Variants in PLCE1 observed in about 807,000 individuals in gnomAD.
PLCE1 encodes phospholipase C epsilon 1.
Under a neutral mutation model 242.8 loss-of-function variants are expected in PLCE1, and 119 were observed. That is an observed-to-expected ratio of 0.49 (90% CI 0.42 to 0.57). PLCE1 has a LOEUF of 0.57. Among genes scored for constraint, PLCE1 ranks in the 20% least tolerant of loss-of-function variants. The probability of loss-of-function intolerance (pLI) is 0.00; values close to 1 mark genes in which losing one functional copy is unlikely to be tolerated. For synonymous variants in PLCE1, 945 were observed against 1,017.4 expected, an observed-to-expected ratio of 0.93 and a Z score of 1.35; for missense variants, 2,441 against 2,788.8, an observed-to-expected ratio of 0.88 and a Z score of 2.81.
rs954154818 is a variant in PLCE1, at chr10:94,254,209, C to T, written c.3299C>T (p.Thr1100Ile). The T allele has an allele frequency of 1.9e-6, 3 of 1,613,502 alleles. No individual in the cohort carries two copies. Among genetic ancestry groups the T allele is most frequent in the Admixed American group, 1.7e-5 (1 of 59,972 alleles). Residue 1100 changes from threonine to isoleucine, a missense_variant, in exon 10 of 33, where the codon ACT (threonine) becomes ATT (isoleucine). This residue lies in a region of PLCE1 where 1,004 missense variants were observed against 1,322.7 expected (regional missense o/e 0.76). Coordinates refer to ENST00000371380, the MANE Select transcript of PLCE1 (RefSeq NM_016341.4). ...ILMRGESGEV[T>I]DDEMATRKAK... Reference sequence around the variant, plus strand: ...TCCCAGGGTGAGAGTGGAGAGGTAACTGACGATGAGATGGCAACCCGAAAG... The same window carrying T: ...TCCCAGGGTGAGAGTGGAGAGGTAATTGACGATGAGATGGCAACCCGAAAG...
chr10:94,036,070 C>T (rs1378294132), intron 2 of PLCE1, among the ~76,000 whole-genome samples: 2 of 152,178 alleles, frequency 1.3e-5, no homozygotes, highest in African/African-American at 4.8e-5. Flanking sequence ...AATTGTGACC[C>T]TCACTCCATC....
intron 8 of PLCE1, among the ~76,000 whole-genome samples, chr10:94,250,131 CAAAAA>C (rs34113881): frequency 1.0e-5 from 1 of 95,678 alleles, no homozygotes. Flanking sequence ...GACTCTGTCT[CAAAAA>C]AAAAAAAAAA....
intron 1 of PLCE1, among the ~76,000 whole-genome samples, chr10:94,017,783 G>A (rs1158953359): frequency 6.6e-6 from 1 of 152,198 alleles, no homozygotes; most frequent in East Asian, 1.9e-4. Context: ...TCTGGAAAAT[G>A]TTTTGCTTAG....
intron 28 of PLCE1, 126 bp from the exon 29 acceptor site, chr10:94,316,421 A>G: frequency 1.5e-6 from 1 of 680,662 alleles, no homozygotes; most frequent in Non-Finnish European, 2.6e-6. Context: ...TTCCAAAAAG[A>G]ATTATGCAAT....
At chr10:94,129,751 G>GAAAACA (rs2046538984) in intron 2 of PLCE1, among the ~76,000 whole-genome samples, 1 of 144,336 alleles carries the variant, frequency 6.9e-6, no homozygotes, top group East Asian at 1.9e-4. Flanking sequence ...ACAAACCAGC[G>GAAAACA]AAAACAAAAA....
In PLCE1 at chr10:94,308,725, A is replaced by G. The variant is rs750244993; in HGVS notation, c.6003+26A>G. On this transcript the variant is annotated intron_variant, in intron 27 of 32. Coordinates refer to ENST00000371380, the MANE Select transcript of PLCE1 (RefSeq NM_016341.4). ...GTAATGAAGTTCTGTTTCACTCAAC[A>G]TATTTATGGGGATTGCTACACTGAA... 9.9e-6 allele frequency: 14 copies of G among 1,409,554 alleles called. No individual in the cohort carries two copies. The South Asian group carries it at 1.6e-4, about 16-fold the overall frequency. 87.3% of individuals were successfully genotyped at this position (1,409,554 alleles called of 1,614,324 possible).
In PLCE1 at chr10:94,283,824, A is replaced by G; in HGVS notation, c.4830A>G (p.Ser1610=). 1 of 1,612,300 alleles carries G rather than the reference A, an allele frequency of 6.2e-7. No homozygotes were observed. Among genetic ancestry groups the G allele is most frequent in the Non-Finnish European group, 8.5e-7 (1 of 1,178,682 alleles). The change falls in exon 21 of 33, where the codon TCA becomes TCG. Residue 1610 remains serine (S), a synonymous_variant. Coordinates refer to ENST00000371380, the MANE Select transcript of PLCE1 (RefSeq NM_016341.4). The part of the protein sequence containing the change: ...NILEDRPENK[S]CNDKLQFEYN... ...TGGAAGACAGACCTGAAAATAAATCATGTAATGACAAGCTTCAGTTTGAAT... is the reference window on the plus strand; with the variant it reads ...TGGAAGACAGACCTGAAAATAAATCGTGTAATGACAAGCTTCAGTTTGAAT...
chr10:94,266,041 A>C (rs1256489013), intron 16 of PLCE1, 83 bp downstream of exon 16: 3 of 1,327,858 alleles, frequency 2.3e-6, no homozygotes, highest in Non-Finnish European at 3.2e-6. Context: ...ACCTGACCCC[A>C]GACTCCTTTG....
intron 2 of PLCE1, among the ~76,000 whole-genome samples, chr10:94,110,126 G>C (rs1198643558): frequency 7.3e-6 from 1 of 137,096 alleles, no homozygotes; most frequent in Non-Finnish European, 1.5e-5. Context: ...GCAGTGGTGC[G>C]ATCTCTGCTC....
At chr10:94,281,736 C>G (rs2052233173) in intron 20 of PLCE1, among the ~76,000 whole-genome samples, 1 of 152,162 alleles carries the variant, frequency 6.6e-6, no homozygotes, top group African/African-American at 2.4e-5. Flanking sequence ...CTTAAGCCCA[C>G]TACCACTACA....
intron 11 of PLCE1, among the ~76,000 whole-genome samples, chr10:94,255,924 T>A (rs1421514570): frequency 0.063 from 5,321 of 84,052 alleles, 72 homozygotes; most frequent in East Asian, 0.12. Context: ...ACTCTCTCTC[T>A]CTCTCTCTCT....
At chr10:94,285,569 A>G (rs936507434) in intron 22 of PLCE1, among the ~76,000 whole-genome samples, 1 of 152,078 alleles carries the variant, frequency 6.6e-6, no homozygotes, top group African/African-American at 2.4e-5. Context: ...TCTCCCCTTT[A>G]TTCCCTTCTG....
chr10:94,119,609 T>A (rs1393804597), intron 2 of PLCE1, among the ~76,000 whole-genome samples: 1 of 152,178 alleles, frequency 6.6e-6, no homozygotes, highest in Non-Finnish European at 1.5e-5. Flanking sequence ...TCTTACTGTC[T>A]TTAGGTTGTG....
At chr10:94,212,320 C>T (rs977031467) in intron 4 of PLCE1, among the ~76,000 whole-genome samples, 1 of 152,028 alleles carries the variant, frequency 6.6e-6, no homozygotes, top group African/African-American at 2.4e-5. Context: ...GCAGTGGTGC[C>T]ATCTCAGCTC....
intron 3 of PLCE1, among the ~76,000 whole-genome samples, chr10:94,165,390 G>A (rs1352929003): frequency 2.0e-5 from 3 of 152,210 alleles, no homozygotes; most frequent in Non-Finnish European, 4.4e-5. Context: ...TGCTGTGCTA[G>A]CAATGAGCGA....
intron 2 of PLCE1, among the ~76,000 whole-genome samples, chr10:94,063,781 C>T (rs192360543): frequency 6.6e-5 from 10 of 152,164 alleles, no homozygotes; most frequent in Non-Finnish European, 1.2e-4. Flanking sequence ...AACCTACGGG[C>T]GATGAGGGTA....
chr10:94,192,457 T>C (rs1180719930), intron 4 of PLCE1, among the ~76,000 whole-genome samples: 1 of 152,210 alleles, frequency 6.6e-6, no homozygotes, highest in African/African-American at 2.4e-5. Flanking sequence ...GGTTTTCTGT[T>C]CCTGCATTAA....
rs145924152 is a variant in PLCE1 at position 94,298,125 on chromosome 10, T to C, written c.5168-254T>C. Among the ~76,000 whole-genome samples, 362 of 152,120 alleles carry C rather than the reference T, an allele frequency of 2.4e-3. 1 individual carries two copies. The highest frequency in any genetic ancestry group is 8.4e-3 in the African/African-American group (347 of 41,512). The stretch of plus-strand genomic sequence containing the variant: ...GTCTTGAACTTCTGGGCTCAAGCAA[T>C]CCTCCCACCCTGACCTCCCAAAGTG... On this transcript the variant is annotated intron_variant, in intron 23 of 32. Coordinates refer to ENST00000371380, the MANE Select transcript of PLCE1 (RefSeq NM_016341.4). The surrounding 1 kb of genome is among the most constrained non-coding windows in gnomAD (Gnocchi z 5.2).
chr10:94,181,165 G>A (rs983756398), intron 4 of PLCE1, among the ~76,000 whole-genome samples: 2 of 152,172 alleles, frequency 1.3e-5, no homozygotes, highest in African/African-American at 4.8e-5. Context: ...CTGATCAGCG[G>A]AATGAAGACA....
Sources: gnomAD v4.1 joint callset for allele counts (sites outside exome capture counted in the v4.1 genomes callset) on GRCh38, gnomAD v4.1.1 for gene constraint, gnomAD v4.1.1 regional missense constraint, Gnocchi (gnomAD v3.1) non-coding constraint, MANE v1.5 for transcripts, NCBI Gene and HGNC (gene_info 2026-07-23, HGNC 2026-07-21) for gene names.